Variants in CDKAL1 observed in about 807,000 individuals in gnomAD.
The protein encoded by CDKAL1 is threonylcarbamoyladenosine tRNA methylthiotransferase.
Under a neutral mutation model 68.2 loss-of-function variants are expected in CDKAL1, and 32 were observed. The ratio of observed to expected loss-of-function variants is 0.47; its 90% CI spans 0.35 to 0.63. The LOEUF (loss-of-function observed/expected upper bound fraction) is 0.63. CDKAL1 is among the 30% of genes least tolerant of loss of function. The pLI is 0.00. For missense variants in CDKAL1, 606 were observed against 696.7 expected (o/e 0.87, Z 1.47); for synonymous variants, 234 against 244.3 (o/e 0.96, Z 0.39).
chr6:20,957,836 TGATAGGTGCCTGTAA>T (rs1764851984), intron 10 of CDKAL1, among the ~76,000 whole-genome samples: 1 of 151,018 alleles, frequency 6.6e-6, no homozygotes, highest in Non-Finnish European at 1.5e-5. Context: ...CTGGGTGGAG[TGATAGGTGCCTGTAA>T]TCCCAGCTAC....
intron 10 of CDKAL1, among the ~76,000 whole-genome samples, chr6:20,998,071 TGTATTA>T (rs748810111): frequency 3.4e-4 from 51 of 152,004 alleles, no homozygotes; most frequent in Non-Finnish European, 6.6e-4. Context: ...TCTCGCAAAG[TGTATTA>T]CATGTCAAGA....
intron 9 of CDKAL1, among the ~76,000 whole-genome samples, chr6:20,851,194 C>T (rs1044083860): frequency 6.6e-6 from 1 of 152,088 alleles, no homozygotes; most frequent in Non-Finnish European, 1.5e-5. Flanking sequence ...TTCCTCCTTT[C>T]TGATGAGATT....
chr6:20,797,720 A>G (rs1228488724), intron 8 of CDKAL1, among the ~76,000 whole-genome samples: 2 of 151,960 alleles, frequency 1.3e-5, no homozygotes, highest in Non-Finnish European at 2.9e-5. Flanking sequence ...TGCCAAGTGA[A>G]ATAAGCCAAT....
intron 13 of CDKAL1, among the ~76,000 whole-genome samples, chr6:21,181,762 A>T (rs747300451): frequency 1.3e-5 from 2 of 152,232 alleles, no homozygotes; most frequent in Non-Finnish European, 2.9e-5. Flanking sequence ...GAACTTTTAT[A>T]TGGCCATTTT....
At chr6:20,969,399 C>T (rs1765481327) in intron 10 of CDKAL1, among the ~76,000 whole-genome samples, 1 of 152,122 alleles carries the variant, frequency 6.6e-6, no homozygotes, top group African/African-American at 2.4e-5. Context: ...AGGTCATCAT[C>T]CTCATCATCT....
At chr6:20,853,215 C>T (rs879591857) in intron 9 of CDKAL1, among the ~76,000 whole-genome samples, 6 of 151,744 alleles carry the variant, frequency 4.0e-5, no homozygotes, top group Non-Finnish European at 8.8e-5. Context: ...AACCCCTTCT[C>T]TACTAAAAAT....
chr6:20,676,504 A>G (rs369000957), intron 5 of CDKAL1, among the ~76,000 whole-genome samples: 1 of 151,836 alleles, frequency 6.6e-6, no homozygotes, highest in Non-Finnish European at 1.5e-5. Context: ...CATCTCTACT[A>G]AAAATACAAA....
At chr6:21,023,497 A>G (rs1282202863) in intron 11 of CDKAL1, among the ~76,000 whole-genome samples, 1 of 152,166 alleles carries the variant, frequency 6.6e-6, no homozygotes, top group Non-Finnish European at 1.5e-5. Flanking sequence ...AAAGCCAGAA[A>G]GCTCAAGTCC....
At chr6:20,802,306 C>CAATAATAATAATAATAAT (rs1233008970) in intron 8 of CDKAL1, among the ~76,000 whole-genome samples, 2 of 98,434 alleles carry the variant, frequency 2.0e-5, no homozygotes, top group African/African-American at 6.7e-5. Flanking sequence ...CAAAAAACAA[C>CAATAATAATAATAATAAT]AACAACAACA....
intron 14 of CDKAL1, among the ~76,000 whole-genome samples, chr6:21,199,361 G>A (rs1778597212): frequency 6.6e-6 from 1 of 152,182 alleles, no homozygotes; most frequent in Non-Finnish European, 1.5e-5. Context: ...GACTGCAGTT[G>A]AGGAAGGGCT....
chr6:20,572,245 C>T (rs1257026309), intron 4 of CDKAL1, among the ~76,000 whole-genome samples: 1 of 152,148 alleles, frequency 6.6e-6, no homozygotes, highest in East Asian at 1.9e-4. Flanking sequence ...ACACTTGTGA[C>T]AATTAGAGGT....
chr6:20,983,874 T>C (rs1005290421), intron 10 of CDKAL1, among the ~76,000 whole-genome samples: 1 of 152,182 alleles, frequency 6.6e-6, no homozygotes, highest in Admixed American at 6.5e-5. Flanking sequence ...TTTATGCAAA[T>C]TAGTTTGTGC....
intron 12 of CDKAL1, among the ~76,000 whole-genome samples, chr6:21,104,529 A>AC (rs1273477126): frequency 5.3e-5 from 8 of 151,978 alleles, no homozygotes; most frequent in Admixed American, 2.0e-4. Context: ...AAAAAAAAAA[A>AC]ACAACAGGCA....
chr6:20,578,689 G>C (rs1281992310), intron 4 of CDKAL1, among the ~76,000 whole-genome samples: 1 of 152,120 alleles, frequency 6.6e-6, no homozygotes, highest in African/African-American at 2.4e-5. Flanking sequence ...TTATTTAATT[G>C]TGTTTTGTGA....
chr6:20,575,408 G>C (rs1262892367), intron 4 of CDKAL1, among the ~76,000 whole-genome samples: 1 of 119,856 alleles, frequency 8.3e-6, no homozygotes, highest in Non-Finnish European at 1.6e-5. Flanking sequence ...TTGTCAGTGT[G>C]ATAAGGGATA....
chr6:21,214,328 T>C (rs575665218), intron 15 of CDKAL1, among the ~76,000 whole-genome samples: 4 of 150,836 alleles, frequency 2.7e-5, no homozygotes, highest in Non-Finnish European at 5.9e-5. Flanking sequence ...TATATATATA[T>C]ACATACCATA....
intron 5 of CDKAL1, among the ~76,000 whole-genome samples, chr6:20,704,111 A>C (rs2127821204): frequency 6.6e-6 from 1 of 152,348 alleles, no homozygotes; most frequent in East Asian, 1.9e-4. Flanking sequence ...TGAATAAAAC[A>C]AAATACTTAA....
intron 8 of CDKAL1, among the ~76,000 whole-genome samples, chr6:20,799,146 G>T (rs900200172): frequency 7.2e-6 from 1 of 138,602 alleles, no homozygotes; most frequent in Non-Finnish European, 1.5e-5. Flanking sequence ...TCTGGCTCCC[G>T]GGTTCTAGCA....
chr6:20,980,192 GATAGATATAGAT>G (rs61624482), intron 10 of CDKAL1, among the ~76,000 whole-genome samples: 14,720 of 149,022 alleles, frequency 0.099, 834 homozygotes, highest in Middle Eastern at 0.18. Flanking sequence ...TCCAAAGATA[GATAGATATAGAT>G]ATAGATATAG....
Sources: allele counts gnomAD v4.1 joint callset (sites outside exome capture counted in the v4.1 genomes callset), GRCh38; gene constraint gnomAD v4.1.1; transcripts MANE v1.5; gene names NCBI Gene and HGNC (gene_info 2026-07-23, HGNC 2026-07-21).